HMGA2: variants seen among roughly 807,000 people sequenced by gnomAD.
The protein encoded by HMGA2 is high mobility group protein HMGI-C.
HMGA2 carries 8 observed loss-of-function variants against 19.1 expected under a neutral mutation model. The observed-to-expected ratio is 0.42, with a 90% CI of 0.25 to 0.76. HMGA2 has a LOEUF of 0.76. Among genes scored for constraint, HMGA2 ranks in the 30% least tolerant of loss-of-function variants. The pLI, the probability that HMGA2 is intolerant of heterozygous loss-of-function variation, is 0.28. For synonymous variants in HMGA2, 60 were observed against 48.8 expected (o/e 1.23, Z -0.96); for missense variants, 109 against 136.3 (o/e 0.80, Z 1.00).
intron 2 of HMGA2, chr12:65,828,335 A>C: frequency 7.0e-6 from 2 of 286,542 alleles, no homozygotes; most frequent in Non-Finnish European, 1.3e-5. Context: ...AATAATTTGA[A>C]CCTTAAAACG....
At chr12:65,911,001 G>T (rs1443583816) in intron 3 of HMGA2, among the ~76,000 whole-genome samples, 3 of 152,106 alleles carry the variant, frequency 2.0e-5, no homozygotes, top group African/African-American at 7.2e-5. Context: ...TATCCTTTCA[G>T]CACTAGAGCC....
intron 3 of HMGA2, among the ~76,000 whole-genome samples, chr12:65,932,661 A>G (rs1875756974): frequency 6.6e-6 from 1 of 152,228 alleles, no homozygotes; most frequent in African/African-American, 2.4e-5. Context: ...ATAGTGTGGA[A>G]TGTATTTACC....
At chr12:65,883,863 G>A (rs1372584573) in intron 3 of HMGA2, among the ~76,000 whole-genome samples, 1 of 152,156 alleles carries the variant, frequency 6.6e-6, no homozygotes. Flanking sequence ...AAATAATCTC[G>A]TGGTTCGGTT....
chr12:65,961,465 G>A (rs1342151990), intron 4 of HMGA2, among the ~76,000 whole-genome samples: 3 of 152,098 alleles, frequency 2.0e-5, no homozygotes, highest in Non-Finnish European at 4.4e-5. Context: ...AATATGTGAA[G>A]CCCACAGTTT....
At chr12:65,913,646 A>G (rs1158346678) in intron 3 of HMGA2, among the ~76,000 whole-genome samples, 3 of 152,194 alleles carry the variant, frequency 2.0e-5, no homozygotes, top group African/African-American at 2.4e-5. Context: ...AATTGAAAGA[A>G]TATGGACTGT....
intron 3 of HMGA2, among the ~76,000 whole-genome samples, chr12:65,910,919 A>T (rs1035563799): frequency 6.6e-6 from 1 of 152,226 alleles, no homozygotes; most frequent in Non-Finnish European, 1.5e-5. Context: ...AGTAGCAATT[A>T]GTAGTCACTG....
At chr12:65,828,169 C>T in intron 2 of HMGA2, 82 bp downstream of exon 2, 2 of 1,010,110 alleles carry the variant, frequency 2.0e-6, no homozygotes, top group Non-Finnish European at 3.2e-6. Flanking sequence ...CATTCTAACT[C>T]CGCAGCCAGG....
At chr12:65,946,521 T>C (rs1048155506) in intron 3 of HMGA2, among the ~76,000 whole-genome samples, 2 of 152,206 alleles carry the variant, frequency 1.3e-5, no homozygotes, top group Admixed American at 1.3e-4. Flanking sequence ...ATTAAGTTTG[T>C]AAGCTCAATT....
chr12:65,890,737 T>C (rs549012068), intron 3 of HMGA2, among the ~76,000 whole-genome samples: 10 of 151,944 alleles, frequency 6.6e-5, no homozygotes, highest in African/African-American at 1.9e-4. Flanking sequence ...CTTTTTTTTT[T>C]TTTTTGAGAT....
chr12:65,838,427 C>A, intron 2 of HMGA2, 92 bp from the exon 3 acceptor site: 2 of 942,854 alleles, frequency 2.1e-6, no homozygotes, highest in Admixed American at 2.1e-5. Context: ...ATCTGCAAAG[C>A]AGAACATTCT....
rs1218223265 is a variant in HMGA2 at position 65,824,572 on chromosome 12, C to A, written c.-699C>A. 2 of 233,484 alleles carry A rather than the reference C, an allele frequency of 8.6e-6. No individual in the cohort carries two copies. The highest frequency in any genetic ancestry group is 1.7e-5 in the Non-Finnish European group (2 of 118,506). The allele number at this position is 233,484 out of a possible 1,614,324, so 14.5% of individuals were successfully genotyped here. A position where few individuals can be genotyped will look rare whatever the true frequency, so the allele number is the denominator to read the frequency against. ...CTCCGACTCTCCGGTGCCGCCGCTG[C>A]CTGCTCCCGCCACCCTAGGAGGCGC... On this transcript the variant is annotated 5_prime_UTR_variant, in exon 1 of 5. Coordinates refer to ENST00000403681, the MANE Select transcript of HMGA2 (RefSeq NM_003483.6).
intron 3 of HMGA2, chr12:65,856,410 C>A (rs1292791927): frequency 6.6e-6 from 1 of 152,226 alleles, no homozygotes; most frequent in Non-Finnish European, 1.5e-5. Context: ...CAAGGCCACA[C>A]AACCTTGTTA....
At chr12:65,952,001 C>G (rs778038659) in intron 4 of HMGA2, 1 of 180,070 alleles carries the variant, frequency 5.6e-6, no homozygotes, top group Non-Finnish European at 1.2e-5. Context: ...CGTCTCTTGC[C>G]CCATATTCCT....
chr12:65,827,308 A>G (rs1409012433), intron 1 of HMGA2, among the ~76,000 whole-genome samples: 1 of 152,232 alleles, frequency 6.6e-6, no homozygotes, highest in Non-Finnish European at 1.5e-5. Context: ...AAAGATATTT[A>G]AATTTAGACT....
At chr12:65,863,816 A>G (rs1451699020) in intron 3 of HMGA2, among the ~76,000 whole-genome samples, 1 of 152,186 alleles carries the variant, frequency 6.6e-6, no homozygotes, top group Non-Finnish European at 1.5e-5. Flanking sequence ...GAAGGGTGTG[A>G]TGTTTCCAGG....
intron 3 of HMGA2, among the ~76,000 whole-genome samples, chr12:65,931,707 C>A (rs889479745): frequency 6.6e-6 from 1 of 152,036 alleles, no homozygotes; most frequent in Non-Finnish European, 1.5e-5. Context: ...GTGCATGGAT[C>A]TATTAGTGGA....
At position 65,844,909 on chromosome 12, in the gene HMGA2, A is replaced by T. The variant is rs554681267; in HGVS notation, c.249+6340A>T. On this transcript the variant is annotated intron_variant, in intron 3 of 4. Transcript: ENST00000403681. The stretch of plus-strand genomic sequence containing the variant: ...ATATCTTATTTCTCCATATGCTATC[A>T]TCAGATCAATAGAGTCCTGGCCAAG... 1.2e-4 allele frequency among the ~76,000 whole-genome samples: 18 copies of T among 152,356 alleles called. No individual in the cohort carries two copies. The South Asian group carries it at 3.5e-3, about 30-fold the overall frequency.
intron 3 of HMGA2, among the ~76,000 whole-genome samples, chr12:65,898,764 G>T (rs11175950): frequency 2.3e-4 from 35 of 152,196 alleles, no homozygotes; most frequent in Non-Finnish European, 4.4e-4. Flanking sequence ...AGATGAGGAG[G>T]CCGGGCGCAG....
intron 3 of HMGA2, among the ~76,000 whole-genome samples, chr12:65,855,437 C>A (rs560168390): frequency 1.6e-4 from 19 of 118,050 alleles, no homozygotes; most frequent in Admixed American, 3.0e-4. Context: ...CTCTCTTTCT[C>A]TTTCTCTCTC....
Sources: allele counts gnomAD v4.1 joint callset (sites outside exome capture counted in the v4.1 genomes callset), GRCh38; gene constraint gnomAD v4.1.1; transcripts MANE v1.5; gene names NCBI Gene and HGNC (gene_info 2026-07-23, HGNC 2026-07-21).